The following ARHGEF15 variants were observed in gnomAD, a reference collection of about 807,000 sequenced individuals.
ARHGEF15 encodes the protein Rho guanine nucleotide exchange factor 15, also known as Rho guanine nucleotide exchange factor (GEF) 15.
Under a neutral mutation model 79.7 loss-of-function variants are expected in ARHGEF15, and 58 were observed. The observed-to-expected ratio is 0.73, with a 90% CI of 0.59 to 0.91. ARHGEF15 has a LOEUF of 0.91. ARHGEF15 is among the 40% of genes least tolerant of loss of function. ARHGEF15 has a pLI of 0.00. For missense variants in ARHGEF15, 1,012 were observed against 1,108.1 expected, an observed-to-expected ratio of 0.91 and a Z score of 1.23; for synonymous variants, 442 against 456.0, an observed-to-expected ratio of 0.97 and a Z score of 0.39.
chr17:8,316,921 T>G (rs1905062717), intron 9 of ARHGEF15, among the ~76,000 whole-genome samples: 1 of 152,140 alleles, frequency 6.6e-6, no homozygotes, highest in Non-Finnish European at 1.5e-5. Flanking sequence ...TAGCTGGGAT[T>G]ACAGGTGTGG....
chr17:8,317,861 G>A (rs1905128854), intron 9 of ARHGEF15, among the ~76,000 whole-genome samples: 1 of 152,092 alleles, frequency 6.6e-6, no homozygotes, highest in African/African-American at 2.4e-5. Flanking sequence ...GAGGTCAGGA[G>A]TTCAAGACCA....
At chr17:8,310,767 AG>A (rs955940624) in intron 1 of ARHGEF15, 24 of 150,468 alleles carry the variant, frequency 1.6e-4, no homozygotes, top group South Asian at 1.3e-3. Context: ...GTGGTTCGTG[AG>A]GGGGGGGTGT....
At position 8,315,503 on chromosome 17, in the gene ARHGEF15, G is replaced by A; in HGVS notation, c.1350G>A (p.Arg450=). 6.2e-7 allele frequency: 1 copy of A among 1,612,828 alleles called. No homozygotes were observed. The highest frequency in any genetic ancestry group is 2.2e-5 in the East Asian group (1 of 44,852). Residue 450 remains arginine (R), a synonymous_variant, in exon 7 of 16, where the codon CGG becomes CGA. Coordinates refer to ENST00000361926, the MANE Select transcript of ARHGEF15 (RefSeq NM_173728.4). The surrounding 1 kb of genome is among the most constrained non-coding windows in gnomAD (Gnocchi z 4.3). ...CCTTCGTGCTGAGCCAGGCACTCCG[G>A]GACACGCTCACCCCCCGTGATCACC... ...TDTFVLSQAL[R]DTLTPRDHHT... is the part of the protein sequence containing the mutation.
chr17:8,320,742 T>C, intron 15 of ARHGEF15, 100 bp from the exon 16 acceptor site: 1 of 1,070,262 alleles, frequency 9.3e-7, no homozygotes, highest in Non-Finnish European at 1.4e-6. Flanking sequence ...TTCCCACACC[T>C]ACAATGACCC....
rs375713883 is a variant in ARHGEF15, at chr17:8,312,569, C to T, written c.530C>T (p.Ala177Val). 5.0e-6 allele frequency: 8 copies of T among 1,609,764 alleles called. No individual in the cohort carries two copies. The African/African-American group carries it at 5.3e-5, about 11-fold the overall frequency. Residue 177 changes from alanine to valine, a missense_variant, in exon 2 of 16, where the codon GCG becomes GTG. By Grantham distance (64) the Ala-to-Val change is moderately conservative (BLOSUM62 0). This residue lies in a region of ARHGEF15 where 818 missense variants were observed against 882.5 expected (regional missense o/e 0.93). Coordinates refer to ENST00000361926, the MANE Select transcript of ARHGEF15 (RefSeq NM_173728.4). The part of the protein sequence containing the change: ...DADAPEPGLQ[A>V]RADVNGEREA... Reference sequence around the variant, plus strand: ...GATGCCCCGGAGCCAGGTCTCCAAGCGAGAGCAGATGTGAATGGGGAGAGA... The same window carrying T: ...GATGCCCCGGAGCCAGGTCTCCAAGTGAGAGCAGATGTGAATGGGGAGAGA...
At position 8,318,832 on chromosome 17, in the gene ARHGEF15, T is replaced by C. The variant is rs1905194603; in HGVS notation, c.1955T>C (p.Leu652Pro). The C allele has an allele frequency of 1.2e-6, 2 of 1,613,462 alleles. No individual in the cohort carries two copies. The highest frequency in any genetic ancestry group is 1.7e-6 in the Non-Finnish European group (2 of 1,179,982). The change falls in exon 12 of 16, where the codon CTC becomes CCC. Residue 652 changes from leucine to proline, a missense_variant. Leu to Pro is a moderately conservative substitution (Grantham distance 98). Coordinates refer to ENST00000361926, the MANE Select transcript of ARHGEF15 (RefSeq NM_173728.4). This position sits in a 1 kb window ranked among gnomAD's most constrained non-coding sequence, Gnocchi z 5.0. ...TELGCRRGGV[L>P]FASRPRFTPL... is the part of the protein sequence containing the mutation. ...TTAGGGTGCCGGAGGGGGGGCGTGC[T>C]CTTTGCCTCGCGCCCCCGCTTCACC...
Position 8,315,791 on chromosome 17 carries a change from C to T in ARHGEF15, c.1458C>T (p.Ser486=). Residue 486 remains serine (S), a synonymous_variant, in exon 8 of 16, where the codon TCC becomes TCT. Transcript: ENST00000361926. The surrounding 1 kb of genome is among the most constrained non-coding windows in gnomAD (Gnocchi z 4.3). ...LATLLSRVRS[S]PHISDLCDVV... The stretch of plus-strand genomic sequence containing the variant: ...CGCTCCTGTCCCGTGTGCGCTCTTC[C>T]CCCCACATCAGCGACTTGTGTGATG... 6.2e-7 allele frequency: 1 copy of T among 1,613,386 alleles called. No individual in the cohort carries two copies. The highest frequency in any genetic ancestry group is 1.1e-5 in the South Asian group (1 of 91,052).
At position 8,313,119 on chromosome 17, in the gene ARHGEF15, C is replaced by T. The variant is rs201741922; in HGVS notation, c.799C>T (p.Arg267Cys). 3.0e-5 allele frequency: 49 copies of T among 1,613,338 alleles called. No individual in the cohort carries two copies. Among genetic ancestry groups the T allele is most frequent in the Non-Finnish European group, 3.4e-5 (40 of 1,179,968 alleles). Residue 267 changes from arginine (R) to cysteine (C), a missense_variant, in exon 3 of 16, where the codon CGC (arginine) becomes TGC (cysteine). Physicochemically the swap from Arg to Cys is radical, Grantham distance 180. Around this residue, in one of 3 missense-constraint regions of ARHGEF15, gnomAD observed 818 missense variants for 882.5 expected, o/e 0.93. Transcript: ENST00000361926. ...GHPAVVLTSY[R>C]STAERKLLPL... Reference sequence around the variant, plus strand: ...CCCTGCCGTTGTCCTCACATCCTACCGCTCCACTGCTGAGCGCAAACTCCT... The same window carrying T: ...CCCTGCCGTTGTCCTCACATCCTACTGCTCCACTGCTGAGCGCAAACTCCT...
Position 8,315,932 on chromosome 17 carries a change from A to C in ARHGEF15, c.1574+25A>C. The C allele has an allele frequency of 6.2e-7, 1 of 1,605,388 alleles. No individual in the cohort carries two copies. The highest frequency in any genetic ancestry group is 8.5e-7 in the Non-Finnish European group (1 of 1,179,514). ...TGTGAGTGTCCCAGGGGTGGGGAGG[A>C]AGCTGGGGAGAGGGATGGGACCGAG... On this transcript the variant is annotated intron_variant, in intron 8 of 15. Transcript: ENST00000361926. The surrounding 1 kb of genome is among the most constrained non-coding windows in gnomAD (Gnocchi z 4.3).
At position 8,318,947 on chromosome 17, in the gene ARHGEF15, G is replaced by A; in HGVS notation, c.2033+37G>A. ...GGAAGGAAGGAGCCCAGGCTGGAGT[G>A]GGCAGGAGGGGTCCAGCGGGACCCC... On this transcript the variant is annotated intron_variant, in intron 12 of 15. Coordinates refer to ENST00000361926, the MANE Select transcript of ARHGEF15 (RefSeq NM_173728.4). The surrounding 1 kb of genome is among the most constrained non-coding windows in gnomAD (Gnocchi z 5.0). The A allele has an allele frequency of 1.2e-6, 2 of 1,609,072 alleles. No homozygotes were observed. The highest frequency in any genetic ancestry group is 8.5e-7 in the Non-Finnish European group (1 of 1,178,282).
chr17:8,313,439 C>T (rs1181821622), intron 3 of ARHGEF15, 62 bp from the exon 4 acceptor site: 20 of 1,578,606 alleles, frequency 1.3e-5, no homozygotes, highest in South Asian at 4.6e-5. Flanking sequence ...GGGCTGGAGT[C>T]GGGAGTCCTG....
In ARHGEF15 at chr17:8,318,633, A is replaced by G; in HGVS notation, c.1843A>G (p.Thr615Ala). The G allele has an allele frequency of 4.3e-6, 7 of 1,613,594 alleles. No homozygotes were observed. The highest frequency in any genetic ancestry group is 5.9e-6 in the Non-Finnish European group (7 of 1,179,616). Residue 615 changes from threonine to alanine, a missense_variant, in exon 11 of 16, where the codon ACC becomes GCC. Thr to Ala is a moderately conservative substitution (Grantham distance 58). Transcript: ENST00000361926. This position sits in a 1 kb window ranked among gnomAD's most constrained non-coding sequence, Gnocchi z 5.0. ...MKQTEELIRL[T>A]QRLRFHKVKA... Reference sequence around the variant, plus strand: ...GCAGACTGAAGAGCTGATCCGGCTCACCCAAAGGCTGCGCTTCCACAAAGT... The same window carrying G: ...GCAGACTGAAGAGCTGATCCGGCTCGCCCAAAGGCTGCGCTTCCACAAAGT...
Position 8,321,144 on chromosome 17 carries a change from G to T in ARHGEF15, c.*151G>T. On this transcript the variant is annotated 3_prime_UTR_variant, in exon 16 of 16. Coordinates refer to ENST00000361926, the MANE Select transcript of ARHGEF15 (RefSeq NM_173728.4). Reference sequence around the variant, plus strand: ...CGAGCTTCAGGACAGAGCAGCCAATGAAAACGGCCGCCTGAACCCACAGCA... The same window carrying T: ...CGAGCTTCAGGACAGAGCAGCCAATTAAAACGGCCGCCTGAACCCACAGCA... 9.5e-5 allele frequency: 97 copies of T among 1,017,896 alleles called. No homozygotes were observed. Among genetic ancestry groups the T allele is most frequent in the Middle Eastern group, 2.2e-4 (1 of 4,466 alleles). The allele number at this position is 1,017,896 out of a possible 1,614,324, so 63.1% of individuals were successfully genotyped here. A position where few individuals can be genotyped will look rare whatever the true frequency, so the allele number is the denominator to read the frequency against.
intron 9 of ARHGEF15, among the ~76,000 whole-genome samples, chr17:8,316,748 A>T (rs1037541291): frequency 2.0e-5 from 3 of 152,116 alleles, no homozygotes; most frequent in African/African-American, 7.2e-5. Flanking sequence ...GGGAAAAAAA[A>T]GTTTGAGATT....
At chr17:8,314,296 A>G (rs1029137569) in intron 4 of ARHGEF15, among the ~76,000 whole-genome samples, 26 of 152,222 alleles carry the variant, frequency 1.7e-4, no homozygotes, top group Non-Finnish European at 3.5e-4. Flanking sequence ...CATTGTTATC[A>G]GAAGTTATCT....
At chr17:8,319,658 CAG>C in intron 15 of ARHGEF15, 55 bp downstream of exon 15, 5 of 1,388,500 alleles carry the variant, frequency 3.6e-6, no homozygotes, top group Non-Finnish European at 4.8e-6. Context: ...TTTTTTGAGA[CAG>C]AGTCTCATTC....
chr17:8,312,435 C>T lies in ARHGEF15; in HGVS notation c.396C>T (p.Leu132=), dbSNP rs748261919. Residue 132 remains leucine, a synonymous_variant, in exon 2 of 16, where the codon CTC becomes CTT. Coordinates refer to ENST00000361926, the MANE Select transcript of ARHGEF15 (RefSeq NM_173728.4). ...CTGGGTCACCCTGCACGCCTCTGCT[C>T]CCCATGGCTGGAGTCCTGGCTCAGA... ...KPSGSPCTPL[L]PMAGVLAQNG... is the part of the protein sequence containing the mutation. The T allele has an allele frequency of 1.2e-6, 2 of 1,613,858 alleles. No individual in the cohort carries two copies. The highest frequency in any genetic ancestry group is 3.3e-5 in the Admixed American group (2 of 60,016).
chr17:8,318,538 G>A lies in ARHGEF15; in HGVS notation c.1780-32G>A, dbSNP rs754250438. 8 of 1,612,082 alleles carry A rather than the reference G, an allele frequency of 5.0e-6. No homozygotes were observed. Among genetic ancestry groups the A allele is most frequent in the African/African-American group, 1.3e-5 (1 of 74,886 alleles). ...AATGGTAGGGAGCAGGGGGCTGGCC[G>A]CTGGGGTGGTGACACAGCTCCCCTT... On this transcript the variant is annotated intron_variant, in intron 10 of 15. Coordinates refer to ENST00000361926, the MANE Select transcript of ARHGEF15 (RefSeq NM_173728.4). This position sits in a 1 kb window ranked among gnomAD's most constrained non-coding sequence, Gnocchi z 5.0.
Position 8,314,930 on chromosome 17 carries a change from G to A in ARHGEF15, c.1014G>A (p.Leu338=), listed in dbSNP as rs752720280. 5.0e-6 allele frequency: 8 copies of A among 1,614,062 alleles called. No homozygotes were observed. In the South Asian group the frequency reaches 8.8e-5, roughly 18 times the overall value. ...EGREEEGLEV[L]KEQNWELPLQ... ...GGGAAGAGGAGGGGCTAGAGGTGCT[G>A]AAGGAGCAGAATTGGGAGCTGCCCC... The change falls in exon 5 of 16, where the codon CTG becomes CTA. Residue 338 remains leucine, a synonymous_variant. Coordinates refer to ENST00000361926, the MANE Select transcript of ARHGEF15 (RefSeq NM_173728.4).
Sources: allele counts gnomAD v4.1 joint callset (sites outside exome capture counted in the v4.1 genomes callset), GRCh38; gene constraint gnomAD v4.1.1; regional missense constraint gnomAD v4.1.1; non-coding constraint Gnocchi (gnomAD v3.1); transcripts MANE v1.5; gene names NCBI Gene and HGNC (gene_info 2026-07-23, HGNC 2026-07-21).